The following HIVEP1 variants were observed in gnomAD, a reference collection of about 807,000 sequenced individuals.
The protein encoded by HIVEP1 is HIVEP zinc finger 1.
Under a neutral mutation model 180.0 loss-of-function variants are expected in HIVEP1, and 36 were observed. The ratio of observed to expected loss-of-function variants is 0.20; its 90% CI spans 0.15 to 0.26. The LOEUF (loss-of-function observed/expected upper bound fraction) is 0.26, where lower values mean the gene tolerates loss of function less well. HIVEP1 is among the 10% of genes least tolerant of loss of function. HIVEP1 has a pLI of 1.00. For missense variants in HIVEP1, 3,143 were observed against 3,268.7 expected, an observed-to-expected ratio of 0.96 and a Z score of 0.94; for synonymous variants, 1,239 against 1,239.0, an observed-to-expected ratio of 1.00 and a Z score of 0.00.
At chr6:12,138,671 T>G (rs1758833003) in intron 7 of HIVEP1, among the ~76,000 whole-genome samples, 1 of 152,172 alleles carries the variant, frequency 6.6e-6, no homozygotes, top group African/African-American at 2.4e-5. Flanking sequence ...TCTCCTGACT[T>G]CAGATACCAT....
In HIVEP1 at chr6:12,049,686, A is replaced by G. The variant is rs183913709; in HGVS notation, c.40+34018A>G. Among the ~76,000 whole-genome samples, 440 of 152,380 alleles carry G rather than the reference A, an allele frequency of 2.9e-3. 1 individual carries two copies. Among genetic ancestry groups the G allele is most frequent in the Non-Finnish European group, 4.7e-3 (320 of 68,044 alleles). On this transcript the variant is annotated intron_variant, in intron 2 of 8. Coordinates refer to ENST00000379388, the MANE Select transcript of HIVEP1 (RefSeq NM_002114.4). ...AGAAAGAAAGATGGAGGGATGATTT[A>G]CAGATGACTCAAACTTATTTAAAAA...
downstream of HIVEP1, among the ~76,000 whole-genome samples, chr6:12,167,721 TATAC>T (rs1562023909): frequency 1.6e-5 from 2 of 126,574 alleles, no homozygotes; most frequent in Non-Finnish European, 1.7e-5. Flanking sequence ...GCATAATATA[TATAC>T]ATATATACAT....
chr6:12,017,549 C>G (rs115987223), intron 2 of HIVEP1, among the ~76,000 whole-genome samples: 5 of 152,196 alleles, frequency 3.3e-5, no homozygotes, highest in Admixed American at 1.3e-4. Flanking sequence ...CTGCTGCCTC[C>G]GGCAGCCTGC....
At chr6:12,144,185 T>C (rs1759225664) in intron 7 of HIVEP1, among the ~76,000 whole-genome samples, 5 of 152,130 alleles carry the variant, frequency 3.3e-5, no homozygotes, top group Admixed American at 3.3e-4. Context: ...AACAGATATA[T>C]AGACCAATGG....
chr6:12,035,691 G>A lies in HIVEP1; in HGVS notation c.40+20023G>A, dbSNP rs189794326. Among the ~76,000 whole-genome samples the A allele has an allele frequency of 4.6e-5, 7 of 152,240 alleles. No individual in the cohort carries two copies. In the East Asian group the frequency reaches 9.6e-4, roughly 21 times the overall value. On this transcript the variant is annotated intron_variant, in intron 2 of 8. Coordinates refer to ENST00000379388, the MANE Select transcript of HIVEP1 (RefSeq NM_002114.4). ...TTTTAAATATGATGTTGGGATTAAC[G>A]GAGTGGATGTTTGGAGGGGAAAGTA...
At chr6:12,203,951 T>C in the HIVEP1 span, among the ~76,000 whole-genome samples, 1 of 151,820 alleles carries the variant, frequency 6.6e-6, no homozygotes, top group South Asian at 2.1e-4. Flanking sequence ...GTGGCAGGCA[T>C]CTGTAATCCC....
downstream of HIVEP1, among the ~76,000 whole-genome samples, chr6:12,169,430 G>A (rs532055360): frequency 2.6e-5 from 4 of 152,228 alleles, no homozygotes; most frequent in South Asian, 8.3e-4. Context: ...AATCTGGCTT[G>A]GGTTTGAAGA....
chr6:12,196,354 T>C, the HIVEP1 span, among the ~76,000 whole-genome samples: 2 of 152,196 alleles, frequency 1.3e-5, no homozygotes, highest in African/African-American at 2.4e-5. Flanking sequence ...TTTGTATATA[T>C]ACATTATAAG....
intron 3 of HIVEP1, among the ~76,000 whole-genome samples, chr6:12,092,038 T>C (rs1175772154): frequency 2.6e-5 from 4 of 152,184 alleles, no homozygotes; most frequent in African/African-American, 7.2e-5. Flanking sequence ...TTGACACATA[T>C]AAATTAATAT....
intron 2 of HIVEP1, among the ~76,000 whole-genome samples, chr6:12,016,737 G>T (rs1229414933): frequency 2.6e-5 from 4 of 152,182 alleles, no homozygotes; most frequent in African/African-American, 9.7e-5. Context: ...GAACAAGTGT[G>T]GTGTGTGGAA....
At chr6:12,167,709 A>ATGCATAATATATATACATATATACATATG, downstream of HIVEP1, among the ~76,000 whole-genome samples, 1 of 62,876 alleles carries the variant, frequency 1.6e-5, no homozygotes, top group South Asian at 4.7e-4. Flanking sequence ...ATATACATAT[A>ATGCATAATATATATACATATATACATATG]TGCATAATAT....
chr6:12,015,790 C>T, intron 2 of HIVEP1, 122 bp downstream of exon 2: 1 of 780,916 alleles, frequency 1.3e-6, no homozygotes. Flanking sequence ...CGCTATTTCT[C>T]TTGCTCATTT....
chr6:12,055,206 G>A (rs536979219), intron 2 of HIVEP1, among the ~76,000 whole-genome samples: 121 of 152,340 alleles, frequency 7.9e-4, no homozygotes, highest in Non-Finnish European at 3.1e-4. Context: ...GATTTTCAGT[G>A]GCTCACGCCT....
chr6:12,071,393 C>G (rs1261638362), intron 2 of HIVEP1, among the ~76,000 whole-genome samples: 1 of 152,168 alleles, frequency 6.6e-6, no homozygotes, highest in Non-Finnish European at 1.5e-5. Flanking sequence ...TAACTCTTCA[C>G]CACTCTCCTC....
At chr6:12,009,414 C>T (rs192083931), upstream of HIVEP1, among the ~76,000 whole-genome samples, 1 of 152,304 alleles carries the variant, frequency 6.6e-6, no homozygotes, top group East Asian at 1.9e-4. Context: ...GCTCCAGAAG[C>T]GTTCACGCGG....
the HIVEP1 span, among the ~76,000 whole-genome samples, chr6:12,175,832 G>A: frequency 6.6e-6 from 1 of 152,144 alleles, no homozygotes; most frequent in East Asian, 1.9e-4. Flanking sequence ...TGTAGATGAC[G>A]CGGCACCATC....
chr6:12,100,964 T>C (rs898203004), intron 3 of HIVEP1, among the ~76,000 whole-genome samples: 4 of 152,214 alleles, frequency 2.6e-5, no homozygotes, highest in African/African-American at 9.6e-5. Flanking sequence ...GGATGAGAGA[T>C]AGTATGTGTT....
intron 7 of HIVEP1, among the ~76,000 whole-genome samples, chr6:12,159,519 C>T (rs1216819103): frequency 6.6e-6 from 1 of 152,128 alleles, no homozygotes; most frequent in Non-Finnish European, 1.5e-5. Flanking sequence ...AGGGCCTTCT[C>T]CTCAGCCAGG....
downstream of HIVEP1, among the ~76,000 whole-genome samples, chr6:12,166,491 T>G (rs1456987697): frequency 1.3e-5 from 2 of 152,226 alleles, no homozygotes; most frequent in African/African-American, 4.8e-5. Flanking sequence ...TGCAAATACC[T>G]TTACTATTGG....
Sources: gnomAD v4.1 joint callset for allele counts (sites outside exome capture counted in the v4.1 genomes callset) on GRCh38, gnomAD v4.1.1 for gene constraint, MANE v1.5 for transcripts, NCBI Gene and HGNC (gene_info 2026-07-23, HGNC 2026-07-21) for gene names.